Variants in CERS3 observed in about 807,000 individuals in gnomAD.
CERS3 encodes the protein LAG1 homolog, ceramide synthase 3.
In CERS3, 33 loss-of-function variants were observed where a neutral mutation model predicts 50.3. The ratio of observed to expected loss-of-function variants is 0.66; its 90% CI spans 0.50 to 0.88. The LOEUF is 0.88. Among genes scored for constraint, CERS3 ranks in the 40% least tolerant of loss-of-function variants. The pLI is 0.00. For synonymous variants in CERS3, 176 were observed against 155.2 expected, an observed-to-expected ratio of 1.13 and a Z score of -0.99; for missense variants, 470 against 460.3, an observed-to-expected ratio of 1.02 and a Z score of -0.19.
intron 2 of CERS3, among the ~76,000 whole-genome samples, chr15:100,516,905 G>A (rs890124798): frequency 2.6e-5 from 4 of 152,216 alleles, no homozygotes; most frequent in African/African-American, 9.6e-5. Context: ...ACAAGAGTAG[G>A]ATTTCCAGGA....
chr15:100,463,300 T>G (rs1427709342), intron 10 of CERS3, among the ~76,000 whole-genome samples: 1 of 151,814 alleles, frequency 6.6e-6, no homozygotes. Flanking sequence ...CTGGGTGTGG[T>G]GGCATGCACT....
intron 7 of CERS3, among the ~76,000 whole-genome samples, chr15:100,477,570 T>C (rs2654575): frequency 0.99 from 151,522 of 152,326 alleles, 75,370 homozygotes; most frequent in East Asian, 1. Flanking sequence ...AGAGCGAACC[T>C]TTTATTTCAA....
At chr15:100,466,861 T>TCTTTCTCTCTTTCTC (rs760044180) in intron 10 of CERS3, among the ~76,000 whole-genome samples, 15,805 of 35,080 alleles carry the variant, frequency 0.45, 5,329 homozygotes, top group Non-Finnish European at 0.58. Flanking sequence ...CTCTCTTTCT[T>TCTTTCTCTCTTTCTC]TCTTTCTTTC....
chr15:100,427,654 G>T (rs769436337), intron 11 of CERS3, among the ~76,000 whole-genome samples: 3 of 152,194 alleles, frequency 2.0e-5, no homozygotes, highest in African/African-American at 7.2e-5. Flanking sequence ...AATCTCTCGG[G>T]TACGATGAAG....
intron 10 of CERS3, among the ~76,000 whole-genome samples, chr15:100,466,796 C>CCT (rs2034743249): frequency 1.3e-4 from 1 of 7,590 alleles, no homozygotes; most frequent in Non-Finnish European, 9.7e-4. Context: ...TTCCTTCCTC[C>CCT]CTCCCTCCCT....
chr15:100,466,767 T>C (rs1246441574), intron 10 of CERS3, among the ~76,000 whole-genome samples: 1 of 23,010 alleles, frequency 4.3e-5, no homozygotes, highest in African/African-American at 9.2e-5. Flanking sequence ...CTTCCTTCCT[T>C]CCTTCCTTCC....
intron 11 of CERS3, 64 bp downstream of exon 11, chr15:100,455,829 A>T (rs1200271302): frequency 1.5e-5 from 14 of 951,682 alleles, no homozygotes; most frequent in Non-Finnish European, 2.1e-5. Context: ...AACATTCAAC[A>T]GTCCGGGCCT....
chr15:100,537,829 C>G (rs565519698), intron 1 of CERS3, among the ~76,000 whole-genome samples: 8 of 152,288 alleles, frequency 5.3e-5, no homozygotes, highest in African/African-American at 1.9e-4. Flanking sequence ...TCCCCAAAGT[C>G]TTAATTCATT....
chr15:100,464,555 CTT>C (rs1183244990), intron 10 of CERS3, among the ~76,000 whole-genome samples: 1 of 152,198 alleles, frequency 6.6e-6, no homozygotes, highest in Non-Finnish European at 1.5e-5. Context: ...ACGATCTGCT[CTT>C]GTTATTTGTG....
intron 10 of CERS3, among the ~76,000 whole-genome samples, chr15:100,456,453 T>C (rs1398599178): frequency 6.6e-6 from 1 of 152,236 alleles, no homozygotes; most frequent in Non-Finnish European, 1.5e-5. Flanking sequence ...TCTCATTTAT[T>C]TGGCATCAAA....
intron 1 of CERS3, among the ~76,000 whole-genome samples, chr15:100,522,436 T>C (rs575085411): frequency 6.6e-6 from 1 of 152,332 alleles, no homozygotes; most frequent in South Asian, 2.1e-4. Context: ...AACATACAGA[T>C]GGTAAAGAAA....
intron 11 of CERS3, among the ~76,000 whole-genome samples, chr15:100,409,912 T>C (rs2142054959): frequency 6.6e-6 from 1 of 152,282 alleles, no homozygotes; most frequent in Non-Finnish European, 1.5e-5. Context: ...AGGACTGTAA[T>C]GATTTTGTGC....
intron 11 of CERS3, among the ~76,000 whole-genome samples, chr15:100,412,190 A>G (rs1338455292): frequency 6.6e-6 from 1 of 151,734 alleles, no homozygotes; most frequent in African/African-American, 2.4e-5. Flanking sequence ...TATTTGCCCT[A>G]TGTTTTCTTC....
intron 11 of CERS3, among the ~76,000 whole-genome samples, chr15:100,428,052 A>G (rs769644180): frequency 6.6e-6 from 1 of 152,178 alleles, no homozygotes; most frequent in Non-Finnish European, 1.5e-5. Context: ...AAGGAACTGA[A>G]GGTTATAGTG....
chr15:100,531,793 T>C (rs1371128352), upstream of CERS3, among the ~76,000 whole-genome samples: 1 of 152,238 alleles, frequency 6.6e-6, no homozygotes, highest in East Asian at 1.9e-4. Flanking sequence ...AAATCAGTTT[T>C]ATATTGCGAA....
intron 1 of CERS3, among the ~76,000 whole-genome samples, chr15:100,540,082 T>A (rs1008494663): frequency 6.6e-6 from 1 of 152,190 alleles, no homozygotes; most frequent in African/African-American, 2.4e-5. Context: ...CCTCTGAAGT[T>A]CAATCCCTAC....
chr15:100,402,695 A>G lies in CERS3; in HGVS notation c.*18T>C. 2 of 1,612,120 alleles carry G rather than the reference A, an allele frequency of 1.2e-6. No homozygotes were observed. Among genetic ancestry groups the G allele is most frequent in the Non-Finnish European group, 1.7e-6 (2 of 1,179,362 alleles). On this transcript the variant is annotated 3_prime_UTR_variant, in exon 12 of 12. Coordinates refer to ENST00000679737, the MANE Select transcript of CERS3 (RefSeq NM_001378789.1). ...TACTTGCAGCATGCTGTGCCATGGGAGTCCTGTAGGCTTCCAGCTAATGGC... is the reference window on the plus strand; with the variant it reads ...TACTTGCAGCATGCTGTGCCATGGGGGTCCTGTAGGCTTCCAGCTAATGGC...
At chr15:100,430,323 G>A (rs1432808801) in intron 11 of CERS3, among the ~76,000 whole-genome samples, 2 of 151,122 alleles carry the variant, frequency 1.3e-5, no homozygotes, top group Non-Finnish European at 3.0e-5. Flanking sequence ...AAAAAAAAAA[G>A]AATGACCAAA....
At position 100,467,874 on chromosome 15, in the gene CERS3, G is replaced by GATAGATATAGATATAGAT. The variant is rs1555528342; in HGVS notation, c.845+1486_845+1503dup. Among the ~76,000 whole-genome samples, 42 of 46,006 alleles carry GATAGATATAGATATAGAT rather than the reference G, an allele frequency of 9.1e-4. 1 individual carries two copies. The highest frequency in any genetic ancestry group is 2.0e-3 in the African/African-American group (39 of 19,124). 30.2% of individuals were successfully genotyped at this position (46,006 alleles called of 152,430 possible). On this transcript the variant is annotated intron_variant, in intron 10 of 11. Transcript: ENST00000679737. The stretch of plus-strand genomic sequence containing the variant: ...ATATAGATAGATAGATAGATAGATA[G>GATAGATATAGATATAGAT]ATAGATATAGATATAGATATAGATA...
Sources: gnomAD v4.1 joint callset for allele counts (sites outside exome capture counted in the v4.1 genomes callset) on GRCh38, gnomAD v4.1.1 for gene constraint, MANE v1.5 for transcripts, NCBI Gene and HGNC (gene_info 2026-07-23, HGNC 2026-07-21) for gene names.